Variants in WWOX observed in about 807,000 individuals in gnomAD.
WWOX encodes the protein WW domain containing oxidoreductase.
A neutral mutation model predicts 46.2 loss-of-function variants in WWOX; 69 were observed. That is an observed-to-expected ratio of 1.49 (90% confidence interval 1.23 to 1.82). WWOX has a LOEUF of 1.82. Ranked by LOEUF, WWOX falls within the 40% of genes most tolerant of loss-of-function variation. WWOX has a pLI of 0.00. For missense variants in WWOX, 919 were observed against 542.6 expected (o/e 1.69, Z -6.89); for synonymous variants, 359 against 202.6 (o/e 1.77, Z -6.56).
intron 8 of WWOX, among the ~76,000 whole-genome samples, chr16:78,468,314 A>G (rs1832074996): frequency 6.7e-6 from 1 of 148,486 alleles, no homozygotes; most frequent in South Asian, 2.1e-4. Flanking sequence ...ACTGTACTCC[A>G]GACTGTGAGG....
At chr16:78,460,501 A>G (rs2083924327) in intron 8 of WWOX, among the ~76,000 whole-genome samples, 1 of 152,134 alleles carries the variant, frequency 6.6e-6, no homozygotes, top group Non-Finnish European at 1.5e-5. Flanking sequence ...TCAAGCTTCC[A>G]GTGCACAGAT....
intron 8 of WWOX, chr16:79,106,074 C>G (rs2049302187): frequency 6.6e-6 from 1 of 152,170 alleles, no homozygotes; most frequent in Admixed American, 6.5e-5. Context: ...AAGCCAAGTT[C>G]CTGGATCAGC....
At chr16:78,510,334 T>G (rs2085331836) in intron 8 of WWOX, among the ~76,000 whole-genome samples, 2 of 152,128 alleles carry the variant, frequency 1.3e-5, no homozygotes, top group Admixed American at 1.3e-4. Context: ...GCTTCCCAAG[T>G]ACCTGGGATT....
chr16:79,208,534 C>T (rs1163941142), intron 8 of WWOX, among the ~76,000 whole-genome samples: 2 of 152,142 alleles, frequency 1.3e-5, no homozygotes, highest in Admixed American at 6.5e-5. Context: ...ACATTATTTC[C>T]TTTAGATGGC....
chr16:78,123,444 T>TGTG (rs201470855), intron 4 of WWOX: 1 of 57,304 alleles, frequency 1.7e-5, no homozygotes, highest in African/African-American at 7.0e-5. Flanking sequence ...TGTTTTGTTT[T>TGTG]TTTTTTTTTT....
chr16:79,078,581 T>C (rs1245525232), intron 8 of WWOX, among the ~76,000 whole-genome samples: 1 of 152,214 alleles, frequency 6.6e-6, no homozygotes, highest in Non-Finnish European at 1.5e-5. Flanking sequence ...TCCCTCGCCA[T>C]AGGAGAATCT....
intron 8 of WWOX, among the ~76,000 whole-genome samples, chr16:78,604,490 GACAAA>G (rs1400919490): frequency 2.3e-4 from 35 of 152,096 alleles, no homozygotes; most frequent in Non-Finnish European, 4.7e-4. Context: ...GTCCGTCTGT[GACAAA>G]ACTTTCACCA....
intron 8 of WWOX, among the ~76,000 whole-genome samples, chr16:78,937,130 A>T (rs1457029242): frequency 6.6e-6 from 1 of 152,150 alleles, no homozygotes; most frequent in Non-Finnish European, 1.5e-5. Flanking sequence ...CAATTCCTAG[A>T]TTTAAAAAAA....
At chr16:78,616,928 A>G (rs929364459) in intron 8 of WWOX, among the ~76,000 whole-genome samples, 7 of 152,200 alleles carry the variant, frequency 4.6e-5, no homozygotes, top group Non-Finnish European at 5.9e-5. Context: ...TCAGACCACA[A>G]TAATGTTTTA....
At chr16:78,328,837 C>CTTTTG (rs1172579826) in intron 5 of WWOX, among the ~76,000 whole-genome samples, 6 of 148,554 alleles carry the variant, frequency 4.0e-5, no homozygotes, top group African/African-American at 1.3e-4. Context: ...TTTCTTTTTT[C>CTTTTG]TTTTCTTTTG....
At chr16:78,487,238 A>G (rs190846386) in intron 8 of WWOX, among the ~76,000 whole-genome samples, 69 of 148,592 alleles carry the variant, frequency 4.6e-4, no homozygotes, top group African/African-American at 1.6e-3. Context: ...TTTTCTCCCC[A>G]TCTTGAACAT....
At chr16:78,996,743 G>A (rs1002143589) in intron 8 of WWOX, among the ~76,000 whole-genome samples, 1 of 152,136 alleles carries the variant, frequency 6.6e-6, no homozygotes, top group South Asian at 2.1e-4. Flanking sequence ...AGGTTGCTCT[G>A]CAATTCTCCC....
At chr16:78,438,520 T>C (rs2083380281) in intron 8 of WWOX, among the ~76,000 whole-genome samples, 2 of 151,908 alleles carry the variant, frequency 1.3e-5, no homozygotes, top group African/African-American at 4.8e-5. Flanking sequence ...AGTTCCCAGG[T>C]CCAAGCCGGT....
At chr16:78,700,470 A>C (rs930022530) in intron 8 of WWOX, among the ~76,000 whole-genome samples, 4 of 152,240 alleles carry the variant, frequency 2.6e-5, no homozygotes, top group African/African-American at 9.6e-5. Context: ...CTAGTTTAAC[A>C]TATGCATTTG....
chr16:79,203,894 A>G (rs2051423911), intron 8 of WWOX: 1 of 152,218 alleles, frequency 6.6e-6, no homozygotes. Flanking sequence ...CAGAGGTTAA[A>G]GAAGTAGAGT....
chr16:79,024,946 C>T (rs559980453), intron 8 of WWOX, among the ~76,000 whole-genome samples: 1 of 152,236 alleles, frequency 6.6e-6, no homozygotes, highest in East Asian at 1.9e-4. Context: ...AGGATGGGGA[C>T]ACAGAGTGAT....
At chr16:79,132,346 C>G in intron 8 of WWOX, among the ~76,000 whole-genome samples, 1 of 152,154 alleles carries the variant, frequency 6.6e-6, no homozygotes, top group Non-Finnish European at 1.5e-5. Context: ...AGTATTGGGA[C>G]TTCCGGTTGG....
intron 1 of WWOX, among the ~76,000 whole-genome samples, chr16:78,106,793 C>A (rs2032176260): frequency 6.6e-6 from 1 of 152,242 alleles, no homozygotes; most frequent in East Asian, 1.9e-4. Context: ...GCTACTGATA[C>A]CGTAGCTGGT....
chr16:78,905,787 A>G (rs2044947345), intron 8 of WWOX, among the ~76,000 whole-genome samples: 1 of 152,150 alleles, frequency 6.6e-6, no homozygotes, highest in African/African-American at 2.4e-5. Context: ...GTAGTTTAAA[A>G]CCAACTTCTT....
Sources: allele counts gnomAD v4.1 joint callset (sites outside exome capture counted in the v4.1 genomes callset), GRCh38; gene constraint gnomAD v4.1.1; transcripts MANE v1.5; gene names NCBI Gene and HGNC (gene_info 2026-07-23, HGNC 2026-07-21).